Variants in GLI3 observed in about 807,000 individuals in gnomAD.
GLI3 encodes transcription activator GLI3.
In GLI3, 20 loss-of-function variants were observed where a neutral mutation model predicts 100.8. The observed-to-expected ratio is 0.20, with a 90% CI of 0.14 to 0.29. The LOEUF (loss-of-function observed/expected upper bound fraction) is 0.29. Among genes scored for constraint, GLI3 ranks in the 10% least tolerant of loss-of-function variants. The pLI is 1.00. For missense variants in GLI3, 2,040 were observed against 2,128.5 expected, an observed-to-expected ratio of 0.96 and a Z score of 0.82; for synonymous variants, 938 against 860.5, an observed-to-expected ratio of 1.09 and a Z score of -1.58.
At chr7:42,068,808 G>A (rs964949789) in intron 4 of GLI3, among the ~76,000 whole-genome samples, 13 of 152,112 alleles carry the variant, frequency 8.5e-5, no homozygotes, top group African/African-American at 2.9e-4. Context: ...GGCCACATAG[G>A]AAAGGCTGCA....
chr7:42,132,935 A>T (rs1318309800), intron 3 of GLI3, among the ~76,000 whole-genome samples: 1 of 152,122 alleles, frequency 6.6e-6, no homozygotes, highest in Non-Finnish European at 1.5e-5. Context: ...AACACAAGTA[A>T]TCTTCACCTA....
At chr7:42,245,275 A>G (rs1418586316) in intron 1 of GLI3, among the ~76,000 whole-genome samples, 1 of 152,224 alleles carries the variant, frequency 6.6e-6, no homozygotes. Flanking sequence ...ACAGTATTAC[A>G]GTACAGCCTG....
chr7:42,082,622 C>T (rs909336842), intron 3 of GLI3, among the ~76,000 whole-genome samples: 39 of 152,248 alleles, frequency 2.6e-4, no homozygotes, highest in African/African-American at 8.9e-4. Context: ...TCTGGTCTCA[C>T]AAGCATATTA....
intron 9 of GLI3, 137 bp from the exon 10 acceptor site, chr7:42,023,745 TA>T (rs1474948841): frequency 4.2e-6 from 3 of 720,518 alleles, no homozygotes; most frequent in Non-Finnish European, 7.3e-6. Flanking sequence ...AGTCAAACAA[TA>T]AAATCATATC....
At chr7:42,182,666 A>ATATATATACATGTGTGTGTG (rs1554337082) in intron 2 of GLI3, among the ~76,000 whole-genome samples, 3 of 79,148 alleles carry the variant, frequency 3.8e-5, no homozygotes, top group African/African-American at 5.6e-5. Flanking sequence ...ATATATATAT[A>ATATATATACATGTGTGTGTG]TATATATATA....
intron 4 of GLI3, among the ~76,000 whole-genome samples, chr7:42,051,941 C>T (rs531428960): frequency 4.6e-5 from 7 of 152,198 alleles, no homozygotes; most frequent in African/African-American, 1.7e-4. Context: ...CAGTATCATA[C>T]AGAGCAGTCT....
chr7:42,051,462 A>T (rs1784350320), intron 4 of GLI3, among the ~76,000 whole-genome samples: 1 of 152,202 alleles, frequency 6.6e-6, no homozygotes, highest in African/African-American at 2.4e-5. Flanking sequence ...ATACACATAC[A>T]TCCATATGTA....
At chr7:42,110,081 C>A (rs1298602994) in intron 3 of GLI3, among the ~76,000 whole-genome samples, 1 of 152,052 alleles carries the variant, frequency 6.6e-6, no homozygotes, top group Non-Finnish European at 1.5e-5. Flanking sequence ...TGCCTGAAGG[C>A]GGCCACAGAT....
intron 10 of GLI3, among the ~76,000 whole-genome samples, chr7:42,017,906 T>C (rs1035190027): frequency 6.6e-6 from 1 of 152,218 alleles, no homozygotes; most frequent in African/African-American, 2.4e-5. Context: ...GCATGTGATC[T>C]GTGCTTGGCC....
intron 10 of GLI3, among the ~76,000 whole-genome samples, chr7:42,015,081 A>G (rs1010076743): frequency 6.6e-6 from 1 of 152,220 alleles, no homozygotes; most frequent in Non-Finnish European, 1.5e-5. Flanking sequence ...ATCCTCATAA[A>G]CAAAAAACAA....
At chr7:42,061,927 G>A (rs1333555711) in intron 4 of GLI3, among the ~76,000 whole-genome samples, 11 of 152,154 alleles carry the variant, frequency 7.2e-5, no homozygotes, top group Non-Finnish European at 2.9e-5. Context: ...CTGAAAATGA[G>A]TCTGGCTACT....
At chr7:42,032,090 T>G (rs1455723632) in intron 7 of GLI3, among the ~76,000 whole-genome samples, 2 of 152,130 alleles carry the variant, frequency 1.3e-5, no homozygotes, top group Non-Finnish European at 2.9e-5. Context: ...TCTCAAAAAC[T>G]ATACCCAATA....
At chr7:42,259,353 C>G (rs749034137) in intron 1 of GLI3, among the ~76,000 whole-genome samples, 4 of 152,156 alleles carry the variant, frequency 2.6e-5, no homozygotes, top group East Asian at 3.8e-4. Flanking sequence ...GTAGCATTAT[C>G]TTTAGGGCTT....
intron 1 of GLI3, among the ~76,000 whole-genome samples, chr7:42,249,881 C>T (rs563020005): frequency 5.3e-5 from 8 of 152,096 alleles, no homozygotes; most frequent in Admixed American, 1.3e-4. Context: ...AATCACTTGA[C>T]GCCAGGAGTT....
intron 3 of GLI3, among the ~76,000 whole-genome samples, chr7:42,115,973 G>A (rs1392012752): frequency 6.6e-6 from 1 of 152,098 alleles, no homozygotes; most frequent in East Asian, 1.9e-4. Flanking sequence ...CAGAAGTCCT[G>A]AGGAAGAAAG....
chr7:42,219,016 T>C lies in GLI3; in HGVS notation c.124+4114A>G, dbSNP rs576567449. Among the ~76,000 whole-genome samples the C allele has an allele frequency of 7.9e-5, 12 of 152,270 alleles. No individual in the cohort carries two copies. The South Asian group carries it at 8.3e-4, about 11-fold the overall frequency. ...CATGTAGAACATTGGAAGATTTAGA[T>C]GAAAAAAACTCTTATTATTTAGAAA... On this transcript the variant is annotated intron_variant, in intron 2 of 14. Coordinates refer to ENST00000395925, the MANE Select transcript of GLI3 (RefSeq NM_000168.6).
Position 41,964,229 on chromosome 7 carries a change from C to T in GLI3, c.*101G>A, listed in dbSNP as rs1381299474. On this transcript the variant is annotated 3_prime_UTR_variant, in exon 15 of 15. Coordinates refer to ENST00000395925, the MANE Select transcript of GLI3 (RefSeq NM_000168.6). ...ATCTCAGTTAGGTGAGATGAGATTGCTAAAATACATACAGAACTAAAAAAA... is the reference window on the plus strand; with the variant it reads ...ATCTCAGTTAGGTGAGATGAGATTGTTAAAATACATACAGAACTAAAAAAA... 2.2e-5 allele frequency: 21 copies of T among 976,096 alleles called. No individual in the cohort carries two copies. Among genetic ancestry groups the T allele is most frequent in the Non-Finnish European group, 3.4e-5 (21 of 624,840 alleles). 60.5% of individuals were successfully genotyped at this position (976,096 alleles called of 1,614,324 possible).
chr7:42,076,879 A>G, intron 3 of GLI3, 22 bp from the exon 4 acceptor site: 4 of 1,400,536 alleles, frequency 2.9e-6, no homozygotes, highest in Non-Finnish European at 4.1e-6. Context: ...AGAGAGCCCA[A>G]TCTATATCAA....
At chr7:42,226,926 C>T (rs1222493265) in intron 1 of GLI3, among the ~76,000 whole-genome samples, 2 of 152,074 alleles carry the variant, frequency 1.3e-5, no homozygotes, top group East Asian at 3.9e-4. Flanking sequence ...CTGAGCTGGT[C>T]CATTCAAGCA....
Sources: allele counts gnomAD v4.1 joint callset (sites outside exome capture counted in the v4.1 genomes callset), GRCh38; gene constraint gnomAD v4.1.1; transcripts MANE v1.5; gene names NCBI Gene and HGNC (gene_info 2026-07-23, HGNC 2026-07-21).